ITGA4: variants seen among roughly 807,000 people sequenced by gnomAD.
ITGA4 encodes integrin subunit alpha 4.
ITGA4 carries 63 observed loss-of-function variants against 133.6 expected under a neutral mutation model. The ratio of observed to expected loss-of-function variants is 0.47; its 90% CI spans 0.38 to 0.58. The LOEUF (loss-of-function observed/expected upper bound fraction) is 0.58. Among genes scored for constraint, ITGA4 ranks in the 20% least tolerant of loss-of-function variants. The probability of loss-of-function intolerance (pLI) is 0.00; values close to 1 mark genes in which losing one functional copy is unlikely to be tolerated. For synonymous variants in ITGA4, 483 were observed against 438.0 expected (o/e 1.10, Z -1.28); for missense variants, 1,076 against 1,252.7 (o/e 0.86, Z 2.13).
intron 2 of ITGA4, among the ~76,000 whole-genome samples, chr2:181,474,364 C>G (rs1273540229): frequency 3.3e-5 from 5 of 152,146 alleles, no homozygotes; most frequent in African/African-American, 9.7e-5. Flanking sequence ...TTCCAAATCA[C>G]TTTTATCTCT....
chr2:181,460,569 G>GTGTA (rs1685250870), intron 2 of ITGA4, among the ~76,000 whole-genome samples: 1 of 131,388 alleles, frequency 7.6e-6, no homozygotes, highest in African/African-American at 3.4e-5. Flanking sequence ...GTAGAAGAGT[G>GTGTA]TGTGTGTGTG....
chr2:181,481,312 T>C (rs1467930807), intron 6 of ITGA4, among the ~76,000 whole-genome samples: 1 of 152,170 alleles, frequency 6.6e-6, no homozygotes, highest in Non-Finnish European at 1.5e-5. Flanking sequence ...AAAATATGTC[T>C]GTTGTAATCC....
At chr2:181,472,763 C>T (rs1226868618) in intron 2 of ITGA4, among the ~76,000 whole-genome samples, 1 of 152,136 alleles carries the variant, frequency 6.6e-6, no homozygotes, top group Non-Finnish European at 1.5e-5. Context: ...TAGACCTTAC[C>T]TATCTCCCAC....
chr2:181,486,479 G>C (rs1467389071), intron 10 of ITGA4, among the ~76,000 whole-genome samples: 2 of 152,194 alleles, frequency 1.3e-5, no homozygotes, highest in African/African-American at 4.8e-5. Context: ...GCTCTGCCAG[G>C]CATTCCCTAT....
At chr2:181,483,952 C>T (rs774562128) in intron 9 of ITGA4, among the ~76,000 whole-genome samples, 14 of 152,180 alleles carry the variant, frequency 9.2e-5, no homozygotes, top group Non-Finnish European at 1.3e-4. Context: ...TCCTTTTCTT[C>T]CCTCATGCCT....
chr2:181,494,507 C>G (rs1483749027), intron 11 of ITGA4, among the ~76,000 whole-genome samples: 1 of 152,136 alleles, frequency 6.6e-6, no homozygotes, highest in South Asian at 2.1e-4. Context: ...TCCCTTTGCT[C>G]GCAAAGTAAA....
chr2:181,517,838 AT>A (rs1445520513), intron 17 of ITGA4, among the ~76,000 whole-genome samples: 2 of 152,084 alleles, frequency 1.3e-5, no homozygotes, highest in African/African-American at 4.8e-5. Flanking sequence ...CTAGCTGTTT[AT>A]GCAGTGCTTT....
At chr2:181,497,427 T>G (rs1686178097) in intron 14 of ITGA4, among the ~76,000 whole-genome samples, 1 of 152,170 alleles carries the variant, frequency 6.6e-6, no homozygotes, top group Non-Finnish European at 1.5e-5. Flanking sequence ...TTTCACCTTT[T>G]TCATTTACTT....
At position 181,457,963 on chromosome 2, in the gene ITGA4, G is replaced by A. The variant is rs546926830; in HGVS notation, c.197+112G>A. ...TCCTCCCTCCCAAGGAGGCAGGAGG[G>A]AAACGCTGCGAGAGCCAGCTCGCTG... On this transcript the variant is annotated intron_variant, in intron 1 of 27. Coordinates refer to ENST00000397033, the MANE Select transcript of ITGA4 (RefSeq NM_000885.6). 2.0e-3 allele frequency: 2,387 copies of A among 1,187,742 alleles called. 3 individuals carry two copies. The highest frequency in any genetic ancestry group is 2.5e-3 in the Admixed American group (93 of 37,420). The allele number at this position is 1,187,742 out of a possible 1,614,324, so 73.6% of individuals were successfully genotyped here.
At chr2:181,529,233 C>T in intron 22 of ITGA4, among the ~76,000 whole-genome samples, 1 of 139,696 alleles carries the variant, frequency 7.2e-6, no homozygotes, top group South Asian at 3.1e-4. Context: ...TGTAATGTAA[C>T]ATACAAATAT....
intron 2 of ITGA4, among the ~76,000 whole-genome samples, chr2:181,460,556 TCTG>T (rs1265981801): frequency 1.4e-5 from 2 of 138,054 alleles, no homozygotes; most frequent in Admixed American, 7.8e-5. Context: ...TAAGCCATCT[TCTG>T]TAGAAGAGTG....
chr2:181,528,581 C>G (rs1686880228), intron 22 of ITGA4, among the ~76,000 whole-genome samples: 1 of 152,164 alleles, frequency 6.6e-6, no homozygotes, highest in Non-Finnish European at 1.5e-5. Flanking sequence ...TAATGGCATC[C>G]AGAAGACCTT....
intron 2 of ITGA4, among the ~76,000 whole-genome samples, chr2:181,471,813 T>A (rs1197883261): frequency 6.6e-6 from 1 of 152,194 alleles, no homozygotes; most frequent in African/African-American, 2.4e-5. Context: ...TATTCTTAAG[T>A]AAACATCTCT....
intron 15 of ITGA4, among the ~76,000 whole-genome samples, chr2:181,502,268 A>T (rs1270712482): frequency 6.6e-6 from 1 of 152,100 alleles, no homozygotes. Flanking sequence ...GAAGCGTCAT[A>T]GGTTATTCTT....
At position 181,536,733 on chromosome 2, in the gene ITGA4, T is replaced by A. The variant is rs1417915217; in HGVS notation, c.*1206T>A. On this transcript the variant is annotated 3_prime_UTR_variant, in exon 28 of 28. Coordinates refer to ENST00000397033, the MANE Select transcript of ITGA4 (RefSeq NM_000885.6). ...ATACTATATGAGGTTCTATTTTAAA[T>A]GACTTTCTGGATTTTAAAAAATTTC... The A allele has an allele frequency of 1.2e-5, 3 of 247,380 alleles. No homozygotes were observed. Among genetic ancestry groups the A allele is most frequent in the Non-Finnish European group, 2.4e-5 (3 of 123,414 alleles). The allele number at this position is 247,380 out of a possible 1,614,324, so 15.3% of individuals were successfully genotyped here. A position where few individuals can be genotyped will look rare whatever the true frequency, so the allele number is the denominator to read the frequency against.
intron 15 of ITGA4, 113 bp downstream of exon 15, chr2:181,498,890 C>A: frequency 7.3e-7 from 1 of 1,372,942 alleles, no homozygotes; most frequent in East Asian, 2.7e-5. Flanking sequence ...AACTGTTACC[C>A]CTCCTGAACT....
rs1686311216 is a variant in ITGA4 at position 181,502,971 on chromosome 2, G to A, written c.1695+4194G>A. ...ATTTTTAGTTGTGAAGTTGAAGCAG[G>A]CTAAGGAGGGGAGGGGGCACACCAA... On this transcript the variant is annotated intron_variant, in intron 15 of 27. Coordinates refer to ENST00000397033, the MANE Select transcript of ITGA4 (RefSeq NM_000885.6). Among the ~76,000 whole-genome samples, 3 of 152,104 alleles carry A rather than the reference G, an allele frequency of 2.0e-5. No homozygotes were observed. In the South Asian group the frequency reaches 6.2e-4, roughly 32 times the overall value.
intron 25 of ITGA4, among the ~76,000 whole-genome samples, chr2:181,533,910 G>T (rs1686997367): frequency 6.6e-6 from 1 of 152,070 alleles, no homozygotes; most frequent in Non-Finnish European, 1.5e-5. Flanking sequence ...TTTTATATTT[G>T]AATTCTATAA....
intron 12 of ITGA4, 53 bp downstream of exon 12, chr2:181,494,865 T>C (rs16867434): frequency 0.096 from 87,960 of 916,816 alleles, 5,125 homozygotes; most frequent in African/African-American, 0.21. Flanking sequence ...CTATCATAGA[T>C]ACTGCTTTAT....
Sources: allele counts gnomAD v4.1 joint callset (sites outside exome capture counted in the v4.1 genomes callset), GRCh38; gene constraint gnomAD v4.1.1; transcripts MANE v1.5; gene names NCBI Gene and HGNC (gene_info 2026-07-23, HGNC 2026-07-21).